EXOC4: variants seen among roughly 807,000 people sequenced by gnomAD.
The protein encoded by EXOC4 is exocyst complex component 4.
Under a neutral mutation model 107.2 loss-of-function variants are expected in EXOC4, and 71 were observed. That is an observed-to-expected ratio of 0.66 (90% CI 0.55 to 0.81). The LOEUF (loss-of-function observed/expected upper bound fraction) is 0.81, where lower values mean the gene tolerates loss of function less well. Ranked by LOEUF, EXOC4 falls within the 30% of genes least tolerant of loss-of-function variation. The pLI, the probability that EXOC4 is intolerant of heterozygous loss-of-function variation, is 0.00. For missense variants in EXOC4, 1,108 were observed against 1,189.6 expected (o/e 0.93, Z 1.01); for synonymous variants, 456 against 441.2 (o/e 1.03, Z -0.42).
chr7:133,771,731 A>G (rs1403210115), intron 10 of EXOC4, among the ~76,000 whole-genome samples: 4 of 151,948 alleles, frequency 2.6e-5, no homozygotes, highest in Non-Finnish European at 5.9e-5. Flanking sequence ...CTTTATTGAG[A>G]TTGCCTCGGC....
chr7:133,409,746 G>A (rs966051700), intron 7 of EXOC4, among the ~76,000 whole-genome samples: 2 of 152,098 alleles, frequency 1.3e-5, no homozygotes, highest in African/African-American at 4.8e-5. Context: ...TCTGAAGAAT[G>A]CTACTATTGG....
At chr7:133,927,117 A>G (rs1234122566) in intron 13 of EXOC4, among the ~76,000 whole-genome samples, 1 of 147,746 alleles carries the variant, frequency 6.8e-6, no homozygotes, top group Non-Finnish European at 1.5e-5. Flanking sequence ...CCCCTCCTCA[A>G]ATGAAAGAAA....
chr7:133,388,210 G>A (rs1402207788), intron 7 of EXOC4, among the ~76,000 whole-genome samples: 1 of 152,086 alleles, frequency 6.6e-6, no homozygotes, highest in Admixed American at 6.5e-5. Context: ...ATCAGTTTCA[G>A]CATTATCAAT....
intron 4 of EXOC4, among the ~76,000 whole-genome samples, chr7:133,308,495 C>T (rs1736606245): frequency 6.6e-6 from 1 of 152,134 alleles, no homozygotes; most frequent in African/African-American, 2.4e-5. Flanking sequence ...ACCAACTACG[C>T]CCACACCTTG....
At chr7:133,375,140 A>C in intron 7 of EXOC4, 138 bp downstream of exon 7, 2 of 706,802 alleles carry the variant, frequency 2.8e-6, no homozygotes, top group Non-Finnish European at 2.3e-6. Flanking sequence ...TTGCATTTGA[A>C]TGTGATGTTG....
chr7:133,804,509 A>G (rs1299983176), intron 10 of EXOC4, among the ~76,000 whole-genome samples: 6 of 152,176 alleles, frequency 3.9e-5, no homozygotes, highest in Admixed American at 3.9e-4. Flanking sequence ...GATCATTCAA[A>G]CTGAGTTTTC....
At chr7:133,862,573 A>G (rs1258582471) in intron 11 of EXOC4, among the ~76,000 whole-genome samples, 2 of 152,166 alleles carry the variant, frequency 1.3e-5, no homozygotes, top group African/African-American at 4.8e-5. Flanking sequence ...TTGACTGACT[A>G]AAGTACTAGT....
intron 10 of EXOC4, among the ~76,000 whole-genome samples, chr7:133,645,957 T>C (rs752815353): frequency 9.2e-5 from 14 of 152,194 alleles, no homozygotes; most frequent in Non-Finnish European, 2.1e-4. Flanking sequence ...GCAGGCTGCC[T>C]GTGTTTGATT....
At chr7:134,019,684 T>G (rs1794986735) in intron 17 of EXOC4, among the ~76,000 whole-genome samples, 1 of 152,350 alleles carries the variant, frequency 6.6e-6, no homozygotes, top group South Asian at 2.1e-4. Flanking sequence ...AACCCCAAAG[T>G]CTATGTATGC....
intron 10 of EXOC4, among the ~76,000 whole-genome samples, chr7:133,778,470 G>A (rs1020458103): frequency 1.3e-5 from 2 of 152,190 alleles, no homozygotes; most frequent in Non-Finnish European, 2.9e-5. Context: ...TGCAGTCTCA[G>A]CTACTGGGAA....
intron 7 of EXOC4, among the ~76,000 whole-genome samples, chr7:133,421,086 C>T (rs1797593660): frequency 6.6e-6 from 1 of 151,888 alleles, no homozygotes; most frequent in African/African-American, 2.4e-5. Flanking sequence ...TTGAACTATC[C>T]TTTGCATCAA....
intron 10 of EXOC4, among the ~76,000 whole-genome samples, chr7:133,784,080 T>G (rs1196249029): frequency 6.6e-6 from 1 of 152,198 alleles, no homozygotes; most frequent in South Asian, 2.1e-4. Context: ...CTAATTATGT[T>G]AATAATTCTA....
chr7:133,868,570 T>C (rs967798787), intron 11 of EXOC4, among the ~76,000 whole-genome samples: 1 of 152,170 alleles, frequency 6.6e-6, no homozygotes, highest in African/African-American at 2.4e-5. Flanking sequence ...AAATAGACTT[T>C]CAAGTAATTC....
At chr7:133,697,341 A>C (rs1481827078) in intron 10 of EXOC4, among the ~76,000 whole-genome samples, 1 of 152,182 alleles carries the variant, frequency 6.6e-6, no homozygotes, top group Non-Finnish European at 1.5e-5. Flanking sequence ...AAGGAATGGG[A>C]AGGCACTTCA....
At chr7:133,632,019 C>T (rs1347200583) in intron 10 of EXOC4, among the ~76,000 whole-genome samples, 1 of 152,006 alleles carries the variant, frequency 6.6e-6, no homozygotes, top group African/African-American at 2.4e-5. Flanking sequence ...GAGATTTTTC[C>T]TCTAAGTTTT....
At chr7:133,485,090 T>TA (rs1799244330) in intron 9 of EXOC4, among the ~76,000 whole-genome samples, 1 of 80,702 alleles carries the variant, frequency 1.2e-5, no homozygotes, top group African/African-American at 4.0e-5. Flanking sequence ...AAAAAATAAA[T>TA]AAATAAATAA....
At chr7:133,703,181 C>G (rs562339142) in intron 10 of EXOC4, among the ~76,000 whole-genome samples, 1 of 152,118 alleles carries the variant, frequency 6.6e-6, no homozygotes, top group African/African-American at 2.4e-5. Context: ...GAAGCTGTGC[C>G]AGGCACGCAC....
At chr7:133,949,577 G>C (rs189333869) in intron 14 of EXOC4, among the ~76,000 whole-genome samples, 1 of 152,146 alleles carries the variant, frequency 6.6e-6, no homozygotes, top group Non-Finnish European at 1.5e-5. Context: ...TCTAAAGAAG[G>C]TACTATTTGT....
intron 11 of EXOC4, among the ~76,000 whole-genome samples, chr7:133,858,683 C>G (rs2116326549): frequency 6.6e-6 from 1 of 152,266 alleles, no homozygotes; most frequent in East Asian, 1.9e-4. Context: ...TGCGCAGGTG[C>G]TCATCAAATG....
Sources: allele counts gnomAD v4.1 joint callset (sites outside exome capture counted in the v4.1 genomes callset), GRCh38; gene constraint gnomAD v4.1.1; transcripts MANE v1.5; gene names NCBI Gene and HGNC (gene_info 2026-07-23, HGNC 2026-07-21).